Variants in PLEKHO2 observed in about 807,000 individuals in gnomAD.
PLEKHO2 encodes the protein pleckstrin homology domain containing O2.
Under a neutral mutation model 32.7 loss-of-function variants are expected in PLEKHO2, and 20 were observed. The ratio of observed to expected loss-of-function variants is 0.61; its 90% CI spans 0.43 to 0.89. The LOEUF is 0.89. Ranked by LOEUF, PLEKHO2 falls within the 40% of genes least tolerant of loss-of-function variation. The probability of loss-of-function intolerance (pLI) is 0.00; values close to 1 mark genes in which losing one functional copy is unlikely to be tolerated. For missense variants in PLEKHO2, 568 were observed against 621.2 expected (o/e 0.91, Z 0.91); for synonymous variants, 247 against 246.3 (o/e 1.00, Z -0.03).
intron 2 of PLEKHO2, among the ~76,000 whole-genome samples, chr15:64,849,806 C>T (rs761215596): frequency 5.4e-5 from 8 of 149,400 alleles, no homozygotes; most frequent in Non-Finnish European, 8.9e-5. Flanking sequence ...GGGCAAGGTT[C>T]CATATGAGTG....
chr15:64,842,057 G>A (rs2084487838), intron 1 of PLEKHO2, 29 bp downstream of exon 1: 2 of 1,235,714 alleles, frequency 1.6e-6, no homozygotes, highest in East Asian at 6.3e-5. Flanking sequence ...GGGGCGTTGG[G>A]CTGGGGTCCT....
At chr15:64,850,453 T>C (rs1406461042) in intron 2 of PLEKHO2, among the ~76,000 whole-genome samples, 1 of 152,248 alleles carries the variant, frequency 6.6e-6, no homozygotes, top group East Asian at 1.9e-4. Flanking sequence ...ATTCTCCGCT[T>C]TCTTCAACAG....
Position 64,865,715 on chromosome 15 carries a change from G to T in PLEKHO2, c.1300G>T (p.Glu434Ter). Residue 434 changes from glutamate to a stop codon, truncating the protein, a stop_gained, in exon 6 of 6, where the codon GAG becomes TAG. Coordinates refer to ENST00000323544, the MANE Select transcript of PLEKHO2 (RefSeq NM_025201.5). LOFTEE classifies it high-confidence loss of function. ...EKLLNKVLGSEPAPVSAETLL... is the reference protein window; with the variant it reads ...EKLLNKVLGS Reference sequence around the variant, plus strand: ...ACTGTTGAACAAGGTGCTGGGCAGTGAGCCGGCCCCTGTTAGTGCCGAAAC... The same window carrying T: ...ACTGTTGAACAAGGTGCTGGGCAGTTAGCCGGCCCCTGTTAGTGCCGAAAC... The T allele has an allele frequency of 1.9e-6, 3 of 1,614,220 alleles. No individual in the cohort carries two copies. The highest frequency in any genetic ancestry group is 2.2e-5 in the South Asian group (2 of 91,082).
intron 5 of PLEKHO2, among the ~76,000 whole-genome samples, chr15:64,863,025 G>A (rs1027056259): frequency 7.1e-6 from 1 of 141,136 alleles, no homozygotes; most frequent in South Asian, 2.5e-4. Context: ...TGCAACCTCC[G>A]CCTTCCGGGT....
At chr15:64,851,110 C>T (rs78791842) in intron 2 of PLEKHO2, among the ~76,000 whole-genome samples, 20 of 152,284 alleles carry the variant, frequency 1.3e-4, no homozygotes, top group African/African-American at 4.3e-4. Context: ...GTTGCTGGCT[C>T]GTGGAGTTTG....
chr15:64,851,416 C>T (rs1595828837), intron 2 of PLEKHO2, among the ~76,000 whole-genome samples: 1 of 152,184 alleles, frequency 6.6e-6, no homozygotes, highest in Non-Finnish European at 1.5e-5. Flanking sequence ...TTTCACATCT[C>T]CCAAACATGA....
chr15:64,860,285 T>C (rs1233091148), intron 4 of PLEKHO2, among the ~76,000 whole-genome samples: 1 of 152,248 alleles, frequency 6.6e-6, no homozygotes, highest in African/African-American at 2.4e-5. Flanking sequence ...ATGCATCCTT[T>C]CTAAGCCTGG....
At chr15:64,855,650 A>G (rs181746850) in intron 3 of PLEKHO2, among the ~76,000 whole-genome samples, 1 of 152,120 alleles carries the variant, frequency 6.6e-6, no homozygotes, top group African/African-American at 2.4e-5. Context: ...TGCTGTTTGC[A>G]CCACATTTCT....
chr15:64,863,535 G>T (rs182244200), intron 5 of PLEKHO2, among the ~76,000 whole-genome samples: 8 of 126,812 alleles, frequency 6.3e-5, no homozygotes, highest in African/African-American at 3.5e-4. Flanking sequence ...GTGTGTGTGT[G>T]TGTGTGTGTG....
intron 2 of PLEKHO2, among the ~76,000 whole-genome samples, chr15:64,849,402 T>TC (rs1187124111): frequency 1.3e-5 from 2 of 150,870 alleles, no homozygotes; most frequent in Non-Finnish European, 2.9e-5. Context: ...CACCTTGGCC[T>TC]CCCAAAGTGC....
chr15:64,863,997 C>T (rs1274683105), intron 5 of PLEKHO2, among the ~76,000 whole-genome samples: 2 of 152,158 alleles, frequency 1.3e-5, no homozygotes, highest in Non-Finnish European at 2.9e-5. Flanking sequence ...CCTGCCTCGG[C>T]CTCCCAAAGT....
In PLEKHO2 at chr15:64,866,157, C is replaced by T. The variant is rs2084685226; in HGVS notation, c.*269C>T. 3.6e-6 allele frequency: 2 copies of T among 558,872 alleles called. No individual in the cohort carries two copies. Among genetic ancestry groups the T allele is most frequent in the South Asian group, 3.9e-5 (2 of 51,050 alleles). 34.6% of individuals were successfully genotyped at this position (558,872 alleles called of 1,614,324 possible). A position where few individuals can be genotyped will look rare whatever the true frequency, so the allele number is the denominator to read the frequency against. On this transcript the variant is annotated 3_prime_UTR_variant, in exon 6 of 6. Coordinates refer to ENST00000323544, the MANE Select transcript of PLEKHO2 (RefSeq NM_025201.5). The stretch of plus-strand genomic sequence containing the variant: ...GGGGCTGGGAGCACACACGCTGGGA[C>T]CTATGTGTTTGTGTGGTCGTTCCAA...
intron 2 of PLEKHO2, among the ~76,000 whole-genome samples, chr15:64,854,142 C>G (rs879821775): frequency 5.3e-5 from 8 of 152,194 alleles, no homozygotes; most frequent in Admixed American, 1.3e-4. Context: ...GCTGGACAGG[C>G]ACCTGATGGG....
chr15:64,848,457 G>T (rs1595827843), intron 1 of PLEKHO2, 136 bp from the exon 2 acceptor site: 1 of 949,642 alleles, frequency 1.1e-6, no homozygotes, highest in East Asian at 2.5e-5. Flanking sequence ...CTGCCTTGGG[G>T]GTTGTGGGGA....
intron 1 of PLEKHO2, among the ~76,000 whole-genome samples, chr15:64,846,914 A>G (rs1371028201): frequency 6.6e-6 from 1 of 152,232 alleles, no homozygotes; most frequent in Non-Finnish European, 1.5e-5. Context: ...ACAAATGTTT[A>G]TTGAACACTT....
At position 64,859,971 on chromosome 15, in the gene PLEKHO2, C is replaced by T. The variant is rs762667277; in HGVS notation, c.357C>T (p.Asn119=). ...TCAAAGCCCTCAATGAAGGGATTAA[C>T]CGAGGCAAAAACAAGGCTTTCGATG... The part of the protein sequence containing the change: ...SWIKALNEGI[N]RGKNKAFDEV... The change falls in exon 4 of 6, where the codon AAC becomes AAT. Residue 119 remains asparagine, a synonymous_variant. Transcript: ENST00000323544. The T allele has an allele frequency of 2.5e-6, 4 of 1,614,182 alleles. No individual in the cohort carries two copies. Among genetic ancestry groups the T allele is most frequent in the East Asian group, 2.2e-5 (1 of 44,888 alleles).
At position 64,842,375 on chromosome 15, in the gene PLEKHO2, ACTCTCTCTCTCT is replaced by A. The variant is rs113444184; in HGVS notation, c.12+352_12+363del. Among the ~76,000 whole-genome samples the A allele has an allele frequency of 3.5e-3, 471 of 136,284 alleles. 17 individuals are homozygous for A. Among genetic ancestry groups the A allele is most frequent in the African/African-American group, 0.013 (432 of 32,310 alleles). 89.4% of individuals were successfully genotyped at this position (136,284 alleles called of 152,430 possible). A position where few individuals can be genotyped will look rare whatever the true frequency, so the allele number is the denominator to read the frequency against. On this transcript the variant is annotated intron_variant, in intron 1 of 5. Transcript: ENST00000323544. ...CCCCGATTACCGTGGTCGGATCCTG[ACTCTCTCTCTCT>A]CTCTGTGTGTGTGTGTGTGTGTGTG...
chr15:64,856,781 T>C (rs563881501), intron 3 of PLEKHO2, among the ~76,000 whole-genome samples: 5 of 152,140 alleles, frequency 3.3e-5, no homozygotes, highest in Non-Finnish European at 5.9e-5. Flanking sequence ...CTCACACAGA[T>C]TGGGGCTCTC....
chr15:64,842,248 G>A (rs1299716922), intron 1 of PLEKHO2, among the ~76,000 whole-genome samples: 1 of 152,260 alleles, frequency 6.6e-6, no homozygotes, highest in African/African-American at 2.4e-5. Flanking sequence ...CACCAGTTGT[G>A]GGGCGTCGTG....
Sources: allele counts gnomAD v4.1 joint callset (sites outside exome capture counted in the v4.1 genomes callset), GRCh38; gene constraint gnomAD v4.1.1; transcripts MANE v1.5; gene names NCBI Gene and HGNC (gene_info 2026-07-23, HGNC 2026-07-21).